Variants in STAC observed in about 807,000 individuals in gnomAD.
The protein encoded by STAC is SH3 and cysteine-rich domain-containing protein.
A neutral mutation model predicts 48.8 loss-of-function variants in STAC; 43 were observed. The ratio of observed to expected loss-of-function variants is 0.88; its 90% CI spans 0.69 to 1.14. STAC has a LOEUF of 1.14. STAC is among the 50% of genes most tolerant of loss of function. The pLI is 0.00. For synonymous variants in STAC, 193 were observed against 179.5 expected, an observed-to-expected ratio of 1.07 and a Z score of -0.60; for missense variants, 497 against 504.0, an observed-to-expected ratio of 0.99 and a Z score of 0.13.
intron 2 of STAC, chr3:36,459,225 T>C (rs553516501): frequency 3.3e-4 from 51 of 152,284 alleles, no homozygotes; most frequent in African/African-American, 1.2e-3. Flanking sequence ...GCTTCATATA[T>C]ACAGATTATC....
intron 10 of STAC, among the ~76,000 whole-genome samples, chr3:36,531,470 C>G (rs1312270175): frequency 1.3e-5 from 2 of 152,160 alleles, no homozygotes; most frequent in Non-Finnish European, 2.9e-5. Context: ...AGTCACTGTT[C>G]TCCCAAGATA....
intron 1 of STAC, among the ~76,000 whole-genome samples, chr3:36,411,377 T>C (rs1404520395): frequency 2.6e-5 from 4 of 152,196 alleles, no homozygotes; most frequent in Admixed American, 2.0e-4. Context: ...AATCTGCATA[T>C]GTAACTTTAT....
intron 3 of STAC, among the ~76,000 whole-genome samples, chr3:36,484,733 C>G (rs1167380414): frequency 6.6e-6 from 1 of 152,174 alleles, no homozygotes. Flanking sequence ...ACAGACACGA[C>G]TGGGGAGGCC....
At chr3:36,453,109 T>C (rs771176951) in intron 2 of STAC, among the ~76,000 whole-genome samples, 5 of 152,258 alleles carry the variant, frequency 3.3e-5, no homozygotes, top group African/African-American at 4.8e-5. Context: ...CTCAATGACT[T>C]TGGTCATCGT....
Position 36,547,999 on chromosome 3 carries a change from C to G in STAC, c.*1710C>G, listed in dbSNP as rs190933203. ...AAACAATACAGTGGCTGGAAAGGAG[C>G]ATCAGAAACATGTGTCCTGATCTCT... is the stretch of plus-strand genomic sequence containing the variant. On this transcript the variant is annotated 3_prime_UTR_variant, in exon 11 of 11. Coordinates refer to ENST00000273183, the MANE Select transcript of STAC (RefSeq NM_003149.3). 1 of 150,572 alleles carries G rather than the reference C, an allele frequency of 6.6e-6. No individual in the cohort carries two copies. The highest frequency in any genetic ancestry group is 1.5e-5 in the Non-Finnish European group (1 of 66,918). 9.3% of individuals were successfully genotyped at this position (150,572 alleles called of 1,614,324 possible). A position where few individuals can be genotyped will look rare whatever the true frequency, so the allele number is the denominator to read the frequency against.
intron 1 of STAC, among the ~76,000 whole-genome samples, chr3:36,432,049 T>C (rs6797191): frequency 0.023 from 3,540 of 152,346 alleles, 60 homozygotes; most frequent in East Asian, 0.026. Flanking sequence ...ATAACAATCA[T>C]CCTGTATTGT....
chr3:36,442,739 TACACAC>T (rs10528748), intron 1 of STAC, among the ~76,000 whole-genome samples: 5,605 of 132,906 alleles, frequency 0.042, 137 homozygotes, highest in East Asian at 0.12. Context: ...TCCTATGTCC[TACACAC>T]ACACACACAC....
intron 5 of STAC, among the ~76,000 whole-genome samples, chr3:36,492,267 A>G (rs1284311085): frequency 6.6e-6 from 1 of 151,708 alleles, no homozygotes; most frequent in Non-Finnish European, 1.5e-5. Context: ...GATCCATTTC[A>G]TGCCACCAGT....
At chr3:36,437,826 C>CA (rs923375686) in intron 1 of STAC, among the ~76,000 whole-genome samples, 3,407 of 142,716 alleles carry the variant, frequency 0.024, 56 homozygotes, top group Non-Finnish European at 0.026. Flanking sequence ...TATTAAAAGA[C>CA]AAAAAAAAAA....
At chr3:36,478,204 CAAAG>C (rs1697543786) in intron 2 of STAC, among the ~76,000 whole-genome samples, 1 of 152,186 alleles carries the variant, frequency 6.6e-6, no homozygotes, top group South Asian at 2.1e-4. Context: ...TCACCTTCCA[CAAAG>C]AGTCATATCA....
chr3:36,431,703 G>T (rs552457101), intron 1 of STAC, among the ~76,000 whole-genome samples: 26 of 152,238 alleles, frequency 1.7e-4, no homozygotes, highest in Admixed American at 7.8e-4. Flanking sequence ...GGTTTATAAA[G>T]CACACTTCCG....
chr3:36,524,684 C>T (rs1369972637), intron 8 of STAC, among the ~76,000 whole-genome samples: 1 of 152,010 alleles, frequency 6.6e-6, no homozygotes, highest in African/African-American at 2.4e-5. Flanking sequence ...TACTCAGATC[C>T]ACCACCTAGA....
intron 10 of STAC, 111 bp from the exon 11 acceptor site, chr3:36,546,080 T>C (rs558344403): frequency 2.4e-6 from 2 of 824,056 alleles, no homozygotes; most frequent in South Asian, 3.2e-5. Flanking sequence ...GCTCTCCCTT[T>C]TCCAGTTTGT....
intron 1 of STAC, among the ~76,000 whole-genome samples, chr3:36,383,854 A>C (rs769686141): frequency 6.6e-6 from 1 of 152,216 alleles, no homozygotes; most frequent in Non-Finnish European, 1.5e-5. Context: ...AGGGGCAGTG[A>C]CTTGCCTGAG....
chr3:36,403,279 A>G (rs957969904), intron 1 of STAC, among the ~76,000 whole-genome samples: 3 of 152,212 alleles, frequency 2.0e-5, no homozygotes, highest in Non-Finnish European at 4.4e-5. Flanking sequence ...TGAAAGATAA[A>G]GTTGGAAAAT....
intron 2 of STAC, among the ~76,000 whole-genome samples, chr3:36,471,139 A>T (rs971355916): frequency 2.0e-5 from 3 of 152,176 alleles, no homozygotes; most frequent in African/African-American, 7.2e-5. Context: ...CCTCAGAATC[A>T]TGGCAGGAGG....
At chr3:36,418,194 AT>A (rs1175842961) in intron 1 of STAC, among the ~76,000 whole-genome samples, 7 of 151,544 alleles carry the variant, frequency 4.6e-5, no homozygotes, top group African/African-American at 1.7e-4. Context: ...TCTTTTTATA[AT>A]TTTTTAGTTG....
Position 36,528,994 on chromosome 3 carries a change from A to G in STAC, c.1110+9A>G, listed in dbSNP as rs1266953899. On this transcript the variant is annotated intron_variant, in intron 10 of 10. Coordinates refer to ENST00000273183, the MANE Select transcript of STAC (RefSeq NM_003149.3). ...CACTGAAAGAGAATCAGGTGAGTAAACCACACAAACACATTCCAGATATGA... is the reference window on the plus strand; with the variant it reads ...CACTGAAAGAGAATCAGGTGAGTAAGCCACACAAACACATTCCAGATATGA... 3.8e-6 allele frequency: 6 copies of G among 1,594,278 alleles called. No individual in the cohort carries two copies. Among genetic ancestry groups the G allele is most frequent in the South Asian group, 1.1e-5 (1 of 88,536 alleles).
chr3:36,483,705 C>T (rs1697719385), intron 3 of STAC, among the ~76,000 whole-genome samples: 1 of 152,194 alleles, frequency 6.6e-6, no homozygotes, highest in African/African-American at 2.4e-5. Context: ...ATAATCCCAA[C>T]ACTTTGGACA....
Sources: allele counts gnomAD v4.1 joint callset (sites outside exome capture counted in the v4.1 genomes callset), GRCh38; gene constraint gnomAD v4.1.1; transcripts MANE v1.5; gene names NCBI Gene and HGNC (gene_info 2026-07-23, HGNC 2026-07-21).